ZNF106: variants seen among roughly 807,000 people sequenced by gnomAD.
The protein encoded by ZNF106 is SH3-domain binding protein 3.
Under a neutral mutation model 195.1 loss-of-function variants are expected in ZNF106, and 67 were observed. The observed-to-expected ratio is 0.34, with a 90% confidence interval of 0.28 to 0.42. The LOEUF is 0.42. Among genes scored for constraint, ZNF106 ranks in the 10% least tolerant of loss-of-function variants. The pLI, the probability that ZNF106 is intolerant of heterozygous loss-of-function variation, is 1.00. For synonymous variants in ZNF106, 784 were observed against 818.6 expected, an observed-to-expected ratio of 0.96 and a Z score of 0.72; for missense variants, 2,118 against 2,304.5, an observed-to-expected ratio of 0.92 and a Z score of 1.66.
chr15:42,422,268 C>T (rs2054692151), intron 18 of ZNF106, among the ~76,000 whole-genome samples: 1 of 152,014 alleles, frequency 6.6e-6, no homozygotes, highest in Non-Finnish European at 1.5e-5. Flanking sequence ...TTTTAAGAGA[C>T]TGGAGTTGCT....
chr15:42,445,917 T>C lies in ZNF106; in HGVS notation c.3205+672A>G, dbSNP rs563400809. Reference sequence around the variant, plus strand: ...AATAACTTCTTTCCATAATTCACTTTAGAAAAGCAACCAAGGAAGGGAGTG... The same window carrying C: ...AATAACTTCTTTCCATAATTCACTTCAGAAAAGCAACCAAGGAAGGGAGTG... On this transcript the variant is annotated intron_variant, in intron 7 of 21. Transcript: ENST00000564754. 3.3e-4 allele frequency among the ~76,000 whole-genome samples: 50 copies of C among 152,308 alleles called. No homozygotes were observed. In the South Asian group the frequency reaches 9.5e-3, roughly 29 times the overall value.
At chr15:42,435,352 G>A in intron 14 of ZNF106, 32 bp downstream of exon 14, 1 of 1,613,794 alleles carries the variant, frequency 6.2e-7, no homozygotes, top group East Asian at 2.2e-5. Flanking sequence ...GACTCAATAT[G>A]AACCACTTTG....
At chr15:42,439,007 T>C in intron 11 of ZNF106, 26 bp downstream of exon 11, 2 of 1,560,304 alleles carry the variant, frequency 1.3e-6, no homozygotes, top group Non-Finnish European at 1.7e-6. Flanking sequence ...AAAGTTGTTC[T>C]GACTGGACCA....
chr15:42,433,230 CG>C (rs2055124485), intron 14 of ZNF106, among the ~76,000 whole-genome samples: 2 of 151,996 alleles, frequency 1.3e-5, no homozygotes, highest in South Asian at 4.2e-4. Context: ...CTCAGCCTCC[CG>C]AGTAGCTGGG....
At chr15:42,431,083 T>C (rs2055032775) in intron 14 of ZNF106, among the ~76,000 whole-genome samples, 1 of 152,096 alleles carries the variant, frequency 6.6e-6, no homozygotes, top group Non-Finnish European at 1.5e-5. Flanking sequence ...AGGTATTTTC[T>C]AATTTCCCTC....
intron 10 of ZNF106, among the ~76,000 whole-genome samples, chr15:42,440,215 G>C (rs369693315): frequency 1.3e-5 from 2 of 152,100 alleles, no homozygotes; most frequent in South Asian, 2.1e-4. Flanking sequence ...TTTAGCTACA[G>C]CTTAGTAGTT....
chr15:42,417,751 C>T, intron 21 of ZNF106, 54 bp downstream of exon 21: 1 of 1,544,078 alleles, frequency 6.5e-7, no homozygotes, highest in Non-Finnish European at 8.7e-7. Context: ...TTGCTAGCCC[C>T]TGCTCTGAGC....
chr15:42,468,971 G>C (rs1254806866), intron 2 of ZNF106, among the ~76,000 whole-genome samples: 1 of 151,502 alleles, frequency 6.6e-6, no homozygotes, highest in African/African-American at 2.4e-5. Flanking sequence ...TGGATCACCT[G>C]AGGTTAGGAG....
intron 6 of ZNF106, 72 bp downstream of exon 6, chr15:42,448,000 T>G: frequency 6.7e-7 from 1 of 1,498,464 alleles, no homozygotes; most frequent in South Asian, 1.3e-5. Context: ...GAAAAACAGT[T>G]GAACCTTTTT....
At chr15:42,432,450 C>T (rs907923228) in intron 14 of ZNF106, among the ~76,000 whole-genome samples, 2 of 152,224 alleles carry the variant, frequency 1.3e-5, no homozygotes, top group Non-Finnish European at 1.5e-5. Flanking sequence ...CCGCAGTGCC[C>T]AGTCACGTGT....
intron 11 of ZNF106, 137 bp downstream of exon 11, chr15:42,438,896 T>C: frequency 9.4e-7 from 1 of 1,064,292 alleles, no homozygotes; most frequent in Non-Finnish European, 1.3e-6. Context: ...GAGCTTTAAT[T>C]TTTCCATATC....
chr15:42,451,742 C>T lies in ZNF106; in HGVS notation c.530G>A (p.Gly177Asp), dbSNP rs2056039818. Residue 177 changes from glycine to aspartate, a missense_variant, in exon 5 of 22, where the codon GGT becomes GAT. Coordinates refer to ENST00000564754, the MANE Select transcript of ZNF106 (RefSeq NM_001366845.3). ...CCCGGAACGTCCTCTTGGTCCACCA[C>T]CATTCCTCAAAGAATGTGGAAAGCT... ...KNSFPHSLRN[G>D]GGPRGRSGWH... 1 of 1,614,236 alleles carries T rather than the reference C, an allele frequency of 6.2e-7. No individual in the cohort carries two copies. The highest frequency in any genetic ancestry group is 1.1e-5 in the South Asian group (1 of 91,086).
chr15:42,475,550 T>A (rs969276575), intron 1 of ZNF106, among the ~76,000 whole-genome samples: 2 of 152,196 alleles, frequency 1.3e-5, no homozygotes, highest in Non-Finnish European at 2.9e-5. Context: ...AACAAAGAAA[T>A]ATACCTTTGT....
chr15:42,447,630 T>C lies in ZNF106; in HGVS notation c.3135+442A>G, dbSNP rs182934356. Among the ~76,000 whole-genome samples, 371 of 152,322 alleles carry C rather than the reference T, an allele frequency of 2.4e-3. 2 individuals carry two copies. Among genetic ancestry groups the C allele is most frequent in the African/African-American group, 8.5e-3 (352 of 41,574 alleles). On this transcript the variant is annotated intron_variant, in intron 6 of 21. Transcript: ENST00000564754. ...TATTTCTATACTCTGCTCATATATATGCACTCTAATAGTATTAAAACCATC... is the reference window on the plus strand; with the variant it reads ...TATTTCTATACTCTGCTCATATATACGCACTCTAATAGTATTAAAACCATC...
intron 14 of ZNF106, among the ~76,000 whole-genome samples, chr15:42,431,053 C>T (rs1020511882): frequency 2.0e-5 from 3 of 151,992 alleles, no homozygotes; most frequent in Admixed American, 6.5e-5. Context: ...ACAAATGATA[C>T]GTTGCATTTT....
At chr15:42,457,975 T>C (rs538502938) in intron 3 of ZNF106, among the ~76,000 whole-genome samples, 1 of 152,200 alleles carries the variant, frequency 6.6e-6, no homozygotes, top group African/African-American at 2.4e-5. Context: ...GAAGCCAGTC[T>C]TGAATCAGTG....
chr15:42,454,635 G>A (rs952898630), intron 4 of ZNF106, among the ~76,000 whole-genome samples: 10 of 152,048 alleles, frequency 6.6e-5, no homozygotes, highest in Admixed American at 5.2e-4. Flanking sequence ...TGTAATCTCA[G>A]CACTTTGGGA....
chr15:42,488,684 C>T (rs2057069050), intron 1 of ZNF106, among the ~76,000 whole-genome samples: 2 of 152,212 alleles, frequency 1.3e-5, no homozygotes, highest in South Asian at 4.1e-4. Context: ...CCATTCCTCT[C>T]AACTCTTGTA....
chr15:42,423,280 G>A (rs1342453516), intron 17 of ZNF106, among the ~76,000 whole-genome samples: 1 of 151,964 alleles, frequency 6.6e-6, no homozygotes, highest in Admixed American at 6.5e-5. Context: ...TGAGGTGGGA[G>A]GATCCCTTGA....
Sources: allele counts gnomAD v4.1 joint callset (sites outside exome capture counted in the v4.1 genomes callset), GRCh38; gene constraint gnomAD v4.1.1; transcripts MANE v1.5; gene names NCBI Gene and HGNC (gene_info 2026-07-23, HGNC 2026-07-21).